Variants in GPR158 observed in about 807,000 individuals in gnomAD.
GPR158 encodes the protein G protein-coupled receptor 158, also known as metabotropic glycine receptor.
In GPR158, 30 loss-of-function variants were observed where a neutral mutation model predicts 78.2. The ratio of observed to expected loss-of-function variants is 0.38; its 90% CI spans 0.29 to 0.52. The LOEUF is 0.52. GPR158 is among the 20% of genes least tolerant of loss of function. The probability of loss-of-function intolerance (pLI) is 0.83; values close to 1 mark genes in which losing one functional copy is unlikely to be tolerated. For synonymous variants in GPR158, 581 were observed against 591.1 expected (o/e 0.98, Z 0.25); for missense variants, 1,463 against 1,523.5 (o/e 0.96, Z 0.66).
intron 2 of GPR158, among the ~76,000 whole-genome samples, chr10:25,261,122 C>T (rs992332002): frequency 1.3e-5 from 2 of 152,104 alleles, no homozygotes; most frequent in Non-Finnish European, 2.9e-5. Context: ...GATGCTCGGG[C>T]CACAGTCCAG....
intron 2 of GPR158, among the ~76,000 whole-genome samples, chr10:25,355,909 T>G (rs1855543847): frequency 6.6e-6 from 1 of 152,024 alleles, no homozygotes. Context: ...ATTTAGTATC[T>G]CCTTTGGCCA....
chr10:25,320,465 T>C (rs1463230793), intron 2 of GPR158, among the ~76,000 whole-genome samples: 1 of 152,256 alleles, frequency 6.6e-6, no homozygotes, highest in African/African-American at 2.4e-5. Context: ...CCAGCTGGGC[T>C]GTTCGCTTGT....
chr10:25,236,934 T>TATTC (rs1481617977), intron 2 of GPR158, among the ~76,000 whole-genome samples: 3 of 152,252 alleles, frequency 2.0e-5, no homozygotes, highest in Non-Finnish European at 4.4e-5. Context: ...TATGAAGTTG[T>TATTC]ATTTAATCTT....
chr10:25,247,342 T>C (rs1361794542), intron 2 of GPR158, among the ~76,000 whole-genome samples: 2 of 151,100 alleles, frequency 1.3e-5, no homozygotes, highest in Non-Finnish European at 3.0e-5. Context: ...TACTTTAAGT[T>C]TTAGGGTACA....
intron 2 of GPR158, among the ~76,000 whole-genome samples, chr10:25,329,625 AATTT>A (rs1329594160): frequency 6.6e-6 from 1 of 151,764 alleles, no homozygotes; most frequent in Non-Finnish European, 1.5e-5. Flanking sequence ...TTGATTGAAT[AATTT>A]ATTATTCCAG....
intron 5 of GPR158, among the ~76,000 whole-genome samples, chr10:25,501,472 T>C (rs1330318129): frequency 6.6e-6 from 1 of 152,210 alleles, no homozygotes; most frequent in African/African-American, 2.4e-5. Context: ...TAACTTACAA[T>C]TTGCACTAAG....
intron 6 of GPR158, among the ~76,000 whole-genome samples, chr10:25,566,131 A>G (rs1372323516): frequency 2.6e-5 from 4 of 152,186 alleles, no homozygotes; most frequent in Non-Finnish European, 5.9e-5. Flanking sequence ...TTTATAAAGT[A>G]TGTTTACAAG....
At chr10:25,375,225 G>A (rs1213751820) in intron 2 of GPR158, among the ~76,000 whole-genome samples, 1 of 151,266 alleles carries the variant, frequency 6.6e-6, no homozygotes, top group Non-Finnish European at 1.5e-5. Context: ...TATTCTAATT[G>A]CAGTGCTTGT....
intron 5 of GPR158, among the ~76,000 whole-genome samples, chr10:25,550,222 A>G (rs1254320790): frequency 6.6e-6 from 1 of 152,134 alleles, no homozygotes; most frequent in Non-Finnish European, 1.5e-5. Flanking sequence ...GCAATTTCCT[A>G]TTTCCATGTC....
chr10:25,245,467 A>G (rs994168039), intron 2 of GPR158, among the ~76,000 whole-genome samples: 14 of 152,142 alleles, frequency 9.2e-5, no homozygotes, highest in Admixed American at 1.3e-4. Context: ...CTGTTTGTCT[A>G]TTTTTGGAAT....
chr10:25,433,578 C>T (rs866658725), intron 4 of GPR158, among the ~76,000 whole-genome samples: 1,373 of 122,092 alleles, frequency 0.011, 22 homozygotes, highest in African/African-American at 0.038. Flanking sequence ...TGTGCGCGCG[C>T]GCGTGCGCGT....
chr10:25,318,091 AT>A (rs1227794867), intron 2 of GPR158, among the ~76,000 whole-genome samples: 1 of 152,112 alleles, frequency 6.6e-6, no homozygotes, highest in African/African-American at 2.4e-5. Context: ...GAGTTGTGAG[AT>A]TTCTAGTTCA....
chr10:25,273,568 G>C (rs944765765), intron 2 of GPR158, among the ~76,000 whole-genome samples: 6 of 152,116 alleles, frequency 3.9e-5, no homozygotes, highest in Admixed American at 3.3e-4. Flanking sequence ...AGAAGTCTGG[G>C]TAGGCAGTCT....
At chr10:25,263,912 C>T (rs2130736072) in intron 2 of GPR158, among the ~76,000 whole-genome samples, 1 of 152,288 alleles carries the variant, frequency 6.6e-6, no homozygotes, top group African/African-American at 2.4e-5. Context: ...ACTCCAGCCT[C>T]AGCGACAGAG....
chr10:25,299,404 T>A (rs994934137), intron 2 of GPR158, among the ~76,000 whole-genome samples: 8 of 152,228 alleles, frequency 5.3e-5, no homozygotes, highest in Non-Finnish European at 1.0e-4. Context: ...TTTTTCCTGT[T>A]CTCCCATCTC....
In GPR158 at chr10:25,175,387, C is replaced by T. The variant is rs771077755; in HGVS notation, c.-34C>T. 103 of 1,315,124 alleles carry T rather than the reference C, an allele frequency of 7.8e-5. 1 individual carries two copies. The highest frequency in any genetic ancestry group is 7.6e-4 in the Middle Eastern group (3 of 3,926). 81.5% of individuals were successfully genotyped at this position (1,315,124 alleles called of 1,614,324 possible). A position where few individuals can be genotyped will look rare whatever the true frequency, so the allele number is the denominator to read the frequency against. On this transcript the variant is annotated 5_prime_UTR_variant, in exon 1 of 11. Transcript: ENST00000376351. This position sits in a 1 kb window ranked among gnomAD's most constrained non-coding sequence, Gnocchi z 6.4. ...CCAAATTTAAAAAGTGATTCCCCCC[C>T]CTCCCGTTCCCTCCTCTTCTCTCTG...
At chr10:25,220,992 A>T in intron 1 of GPR158, 60 bp from the exon 2 acceptor site, 2 of 985,468 alleles carry the variant, frequency 2.0e-6, no homozygotes, top group South Asian at 1.5e-5. Context: ...CAAGCTTAAA[A>T]TACAGAGAAA....
chr10:25,315,727 TAA>T (rs944620863), intron 2 of GPR158, among the ~76,000 whole-genome samples: 5 of 101,262 alleles, frequency 4.9e-5, no homozygotes, highest in Admixed American at 8.5e-5. Flanking sequence ...CTTAAAACTT[TAA>T]AGTTTTAAAG....
At chr10:25,217,114 T>C (rs1040826258) in intron 1 of GPR158, among the ~76,000 whole-genome samples, 2 of 152,192 alleles carry the variant, frequency 1.3e-5, no homozygotes, top group Non-Finnish European at 2.9e-5. Context: ...CTGGAATGGG[T>C]ACTAGAAATG....
Sources: gnomAD v4.1 joint callset for allele counts (sites outside exome capture counted in the v4.1 genomes callset) on GRCh38, gnomAD v4.1.1 for gene constraint, Gnocchi (gnomAD v3.1) non-coding constraint, MANE v1.5 for transcripts, NCBI Gene and HGNC (gene_info 2026-07-23, HGNC 2026-07-21) for gene names.